The following GPC6 variants were observed in gnomAD, a reference collection of about 807,000 sequenced individuals.
GPC6 encodes the protein glypican-6.
Under a neutral mutation model 55.2 loss-of-function variants are expected in GPC6, and 14 were observed. That is an observed-to-expected ratio of 0.25 (90% CI 0.17 to 0.40). GPC6 has a LOEUF of 0.40. Among genes scored for constraint, GPC6 ranks in the 10% least tolerant of loss-of-function variants. The probability of loss-of-function intolerance (pLI) is 1.00; values close to 1 mark genes in which losing one functional copy is unlikely to be tolerated. For synonymous variants in GPC6, 278 were observed against 259.6 expected (o/e 1.07, Z -0.68); for missense variants, 641 against 708.5 (o/e 0.90, Z 1.08).
intron 3 of GPC6, among the ~76,000 whole-genome samples, chr13:93,896,555 G>A (rs1268213005): frequency 6.6e-6 from 1 of 152,054 alleles, no homozygotes; most frequent in Admixed American, 6.6e-5. Context: ...TAAAAGATGT[G>A]TAGCAGAAAA....
chr13:93,418,600 A>G (rs577623363), intron 1 of GPC6, among the ~76,000 whole-genome samples: 6 of 151,342 alleles, frequency 4.0e-5, no homozygotes, highest in South Asian at 2.1e-4. Flanking sequence ...TATTAATAGC[A>G]CTATACCGTA....
At chr13:93,521,091 T>C (rs1340856582) in intron 1 of GPC6, among the ~76,000 whole-genome samples, 3 of 151,986 alleles carry the variant, frequency 2.0e-5, no homozygotes, top group African/African-American at 7.2e-5. Context: ...TCATTAGTAC[T>C]TGAAATTTAA....
intron 2 of GPC6, among the ~76,000 whole-genome samples, chr13:93,698,753 C>A (rs1156254084): frequency 1.3e-5 from 2 of 151,756 alleles, no homozygotes; most frequent in African/African-American, 2.4e-5. Flanking sequence ...ATTTAAAAAC[C>A]AATGTATTTG....
chr13:93,574,305 A>G (rs1172951538), intron 2 of GPC6, among the ~76,000 whole-genome samples: 2 of 152,174 alleles, frequency 1.3e-5, no homozygotes, highest in Non-Finnish European at 1.5e-5. Context: ...ATAAGAAAAG[A>G]TAGAACCACA....
Position 93,280,884 on chromosome 13 carries a change from A to G in GPC6, c.160+53268A>G, listed in dbSNP as rs568183015. Among the ~76,000 whole-genome samples, 35 of 152,296 alleles carry G rather than the reference A, an allele frequency of 2.3e-4. 1 individual carries two copies. The South Asian group carries it at 7.1e-3, about 31-fold the overall frequency. The stretch of plus-strand genomic sequence containing the variant: ...AGATCCCTTGCATGCCCGGTTCACA[A>G]CAGGGTTCGTGCTCCTATGAGAATC... On this transcript the variant is annotated intron_variant, in intron 1 of 8. Transcript: ENST00000377047.
intron 2 of GPC6, among the ~76,000 whole-genome samples, chr13:93,546,312 C>T (rs889782564): frequency 6.6e-6 from 1 of 152,154 alleles, no homozygotes; most frequent in East Asian, 1.9e-4. Context: ...ACAGCAGAGC[C>T]AGTTTAGGAA....
chr13:94,223,938 C>G lies in GPC6; in HGVS notation c.878-62411C>G, dbSNP rs140095684. Among the ~76,000 whole-genome samples, 514 of 152,234 alleles carry G rather than the reference C, an allele frequency of 3.4e-3. 1 individual carries two copies. The highest frequency in any genetic ancestry group is 0.012 in the African/African-American group (503 of 41,546). ...CATGCATGTTTCAGCTGAGGTTGAACAAGGCAGAGCTCTGCCTTCTTGTTT... is the reference window on the plus strand; with the variant it reads ...CATGCATGTTTCAGCTGAGGTTGAAGAAGGCAGAGCTCTGCCTTCTTGTTT... On this transcript the variant is annotated intron_variant, in intron 4 of 8. Transcript: ENST00000377047.
At position 94,244,587 on chromosome 13, in the gene GPC6, A is replaced by G. The variant is rs994123942; in HGVS notation, c.878-41762A>G. The stretch of plus-strand genomic sequence containing the variant: ...ATTTTGTCTTTCTTTTTTTGGAAGG[A>G]CAAAATAATAAGTGGTTTTACTTTT... On this transcript the variant is annotated intron_variant, in intron 4 of 8. Transcript: ENST00000377047. Among the ~76,000 whole-genome samples, 31 of 152,160 alleles carry G rather than the reference A, an allele frequency of 2.0e-4. 2 individuals are homozygous for G. Among genetic ancestry groups the G allele is most frequent in the Admixed American group, 1.9e-3 (29 of 15,250 alleles).
intron 6 of GPC6, among the ~76,000 whole-genome samples, chr13:94,338,916 C>T (rs1877870560): frequency 6.6e-6 from 1 of 152,040 alleles, no homozygotes; most frequent in East Asian, 1.9e-4. Flanking sequence ...CTTGCCATTG[C>T]CCATAGCTGG....
At chr13:94,040,734 A>G (rs2138739102) in intron 4 of GPC6, among the ~76,000 whole-genome samples, 1 of 151,972 alleles carries the variant, frequency 6.6e-6, no homozygotes. Context: ...GTTTCTTCAT[A>G]GAGGATTTAT....
intron 3 of GPC6, among the ~76,000 whole-genome samples, chr13:93,912,427 A>G (rs1877033661): frequency 6.6e-6 from 1 of 152,150 alleles, no homozygotes; most frequent in Non-Finnish European, 1.5e-5. Flanking sequence ...GTACCAAGTT[A>G]TCACAAATTG....
At chr13:94,396,450 T>G (rs1042209964) in intron 7 of GPC6, among the ~76,000 whole-genome samples, 2 of 152,220 alleles carry the variant, frequency 1.3e-5, no homozygotes, top group African/African-American at 4.8e-5. Flanking sequence ...GGGGTGTAGC[T>G]TGGTGACCAC....
intron 1 of GPC6, among the ~76,000 whole-genome samples, chr13:93,271,688 T>C (rs1045141028): frequency 2.0e-5 from 3 of 152,298 alleles, no homozygotes; most frequent in Admixed American, 2.0e-4. Flanking sequence ...AGCAAATCAG[T>C]AATACTATTT....
intron 1 of GPC6, among the ~76,000 whole-genome samples, chr13:93,231,332 T>TATATATATATATAC: frequency 3.1e-5 from 1 of 32,088 alleles, no homozygotes; most frequent in Admixed American, 5.0e-4. Flanking sequence ...TATATATACG[T>TATATATATATATAC]ATATATATAT....
At chr13:94,294,946 A>G (rs2139097210) in intron 5 of GPC6, among the ~76,000 whole-genome samples, 2 of 152,302 alleles carry the variant, frequency 1.3e-5, no homozygotes, top group South Asian at 4.1e-4. Context: ...TTCTGCAAAG[A>G]GTCTTCCTAA....
intron 4 of GPC6, among the ~76,000 whole-genome samples, chr13:94,244,096 A>G (rs1420581424): frequency 1.3e-5 from 2 of 152,182 alleles, no homozygotes; most frequent in African/African-American, 4.8e-5. Flanking sequence ...GTAACTTTAC[A>G]TGTTACTATT....
chr13:93,872,326 G>T (rs1230771004), intron 3 of GPC6, among the ~76,000 whole-genome samples: 4 of 151,942 alleles, frequency 2.6e-5, no homozygotes, highest in Non-Finnish European at 1.5e-5. Context: ...TTAATCCAAA[G>T]ATCTGTTTTT....
intron 3 of GPC6, among the ~76,000 whole-genome samples, chr13:93,992,604 G>C (rs1193151283): frequency 6.6e-6 from 1 of 152,172 alleles, no homozygotes; most frequent in Non-Finnish European, 1.5e-5. Context: ...TCAGGAAGGT[G>C]TGACTGTGAC....
rs1362175436 is a variant in GPC6, at chr13:93,965,450, T to C, written c.712-62279T>C. ...ATAAATAACCACGAATACTTTGCAA[T>C]TCATTCGGTCAAGAGGAGGAGACTG... On this transcript the variant is annotated intron_variant, in intron 3 of 8. Coordinates refer to ENST00000377047, the MANE Select transcript of GPC6 (RefSeq NM_005708.5). Among the ~76,000 whole-genome samples the C allele has an allele frequency of 2.0e-5, 3 of 151,988 alleles. 1 individual carries two copies. Among genetic ancestry groups the C allele is most frequent in the Non-Finnish European group, 4.4e-5 (3 of 67,988 alleles).
Sources: gnomAD v4.1 joint callset for allele counts (sites outside exome capture counted in the v4.1 genomes callset) on GRCh38, gnomAD v4.1.1 for gene constraint, MANE v1.5 for transcripts, NCBI Gene and HGNC (gene_info 2026-07-23, HGNC 2026-07-21) for gene names.